Variants in TDRD9 observed in about 807,000 individuals in gnomAD.
TDRD9 encodes the protein ATP-dependent RNA helicase TDRD9.
A neutral mutation model predicts 172.6 loss-of-function variants in TDRD9; 124 were observed. The observed-to-expected ratio is 0.72, with a 90% CI of 0.62 to 0.83. The LOEUF (loss-of-function observed/expected upper bound fraction) is 0.83. TDRD9 is among the 40% of genes least tolerant of loss of function. TDRD9 has a pLI of 0.00. For missense variants in TDRD9, 1,479 were observed against 1,714.1 expected (o/e 0.86, Z 2.42); for synonymous variants, 619 against 617.1 (o/e 1.00, Z -0.05).
chr14:104,023,107 A>C (rs975045954), intron 24 of TDRD9, among the ~76,000 whole-genome samples: 1 of 137,928 alleles, frequency 7.3e-6, no homozygotes, highest in Admixed American at 7.9e-5. Flanking sequence ...AATTAAACCC[A>C]GGAGGCAGAG....
chr14:103,995,706 G>A (rs764753018), intron 11 of TDRD9, 44 bp from the exon 12 acceptor site: 8 of 1,513,762 alleles, frequency 5.3e-6, no homozygotes, highest in African/African-American at 4.2e-5. Flanking sequence ...AATGATGTTC[G>A]GAATATAGTA....
chr14:103,939,743 GTTTTTT>G lies in TDRD9; in HGVS notation c.215+11035_215+11040del, dbSNP rs371934680. 6 of 17,448 alleles carry G rather than the reference GTTTTTT, an allele frequency of 3.4e-4. 1 individual carries two copies. The highest frequency in any genetic ancestry group is 4.7e-4 in the African/African-American group (3 of 6,350). The allele number at this position is 17,448 out of a possible 1,614,324, so 1.1% of individuals were successfully genotyped here. On this transcript the variant is annotated intron_variant, in intron 1 of 35. Coordinates refer to ENST00000409874, the MANE Select transcript of TDRD9 (RefSeq NM_153046.3). Reference sequence around the variant, plus strand: ...AGTTCTAGTCTTTTTGAAAAAAAGTGTTTTTTTTTTTTTTTTTTTTTGAGACAAGGT... The same window carrying G: ...AGTTCTAGTCTTTTTGAAAAAAAGTGTTTTTTTTTTTTTTTGAGACAAGGT...
intron 34 of TDRD9, among the ~76,000 whole-genome samples, chr14:104,047,912 A>G (rs999663735): frequency 3.3e-5 from 5 of 152,212 alleles, no homozygotes; most frequent in African/African-American, 9.6e-5. Context: ...TTGTTATCCT[A>G]TTTTTAAAAA....
At chr14:103,993,224 A>G (rs2033939435) in intron 9 of TDRD9, among the ~76,000 whole-genome samples, 1 of 151,776 alleles carries the variant, frequency 6.6e-6, no homozygotes, top group Non-Finnish European at 1.5e-5. Flanking sequence ...AGTGATCTCC[A>G]TGAAGTGATC....
At chr14:103,953,270 A>T (rs2032036772) in intron 1 of TDRD9, among the ~76,000 whole-genome samples, 1 of 151,838 alleles carries the variant, frequency 6.6e-6, no homozygotes, top group Non-Finnish European at 1.5e-5. Flanking sequence ...ATTTCTCATC[A>T]TCCTCTTCCC....
chr14:103,928,751 C>T lies in TDRD9; in HGVS notation c.215+27C>T. ...TAGGACGCGGGCGGGGCGGAGGCGG[C>T]TGGAGGGCGGCCGGGCGAGGCCTGG... is the stretch of plus-strand genomic sequence containing the variant. On this transcript the variant is annotated intron_variant, in intron 1 of 35. Coordinates refer to ENST00000409874, the MANE Select transcript of TDRD9 (RefSeq NM_153046.3). 3 of 981,526 alleles carry T rather than the reference C, an allele frequency of 3.1e-6. No homozygotes were observed. In the East Asian group the frequency reaches 1.3e-4, roughly 42 times the overall value. 60.8% of individuals were successfully genotyped at this position (981,526 alleles called of 1,614,324 possible).
chr14:103,943,364 A>G (rs1419263171), intron 1 of TDRD9, among the ~76,000 whole-genome samples: 1 of 151,480 alleles, frequency 6.6e-6, no homozygotes, highest in East Asian at 1.9e-4. Context: ...TATATGTTTT[A>G]TATATGTACA....
intron 13 of TDRD9, among the ~76,000 whole-genome samples, chr14:103,999,643 A>ACATTTAATCTTTT (rs1566771643): frequency 3.1e-5 from 4 of 130,568 alleles, no homozygotes; most frequent in South Asian, 2.3e-4. Flanking sequence ...TGTTTTTTAG[A>ACATTTAATCTTTT]AAACCTTTTG....
At chr14:104,031,311 T>C in intron 29 of TDRD9, 48 bp downstream of exon 29, 1 of 1,498,014 alleles carries the variant, frequency 6.7e-7, no homozygotes, top group East Asian at 2.5e-5. Flanking sequence ...AGTATCATTT[T>C]ACATTTATGT....
rs2035405934 is a variant in TDRD9, at chr14:104,034,957, C to T, written c.3620-3C>T. ...CGATGTTGATTTAGCATGACTTGAA[C>T]AGGATCTACGATGCTGCTGAGAGAA... On this transcript the variant is annotated splice_polypyrimidine_tract_variant and splice_region_variant and intron_variant, in intron 31 of 35. Transcript: ENST00000409874. 3 of 1,550,658 alleles carry T rather than the reference C, an allele frequency of 1.9e-6. No homozygotes were observed. The highest frequency in any genetic ancestry group is 2.7e-5 in the African/African-American group (2 of 73,020).
In TDRD9 at chr14:104,007,207, T is replaced by G. The variant is rs2034468929; in HGVS notation, c.2052+3T>G. 1 of 1,613,652 alleles carries G rather than the reference T, an allele frequency of 6.2e-7. No homozygotes were observed. The highest frequency in any genetic ancestry group is 1.3e-5 in the African/African-American group (1 of 74,888). ...CAGGGGAGCTGCGGTACCCGAAGGTTGGTGAGCCCTTTCCTGCTGCTTTCT... is the reference window on the plus strand; with the variant it reads ...CAGGGGAGCTGCGGTACCCGAAGGTGGGTGAGCCCTTTCCTGCTGCTTTCT... On this transcript the variant is annotated splice_donor_region_variant and intron_variant, in intron 19 of 35. Coordinates refer to ENST00000409874, the MANE Select transcript of TDRD9 (RefSeq NM_153046.3).
At position 104,014,765 on chromosome 14, in the gene TDRD9, A is replaced by T. The variant is rs1295247759; in HGVS notation, c.2147A>T (p.Gln716Leu). The change falls in exon 21 of 36, where the codon CAG becomes CTG. Residue 716 changes from glutamine (Q) to leucine (L), a missense_variant. Gln to Leu is a moderately radical substitution (Grantham distance 113). Transcript: ENST00000409874. ...GAAGAATTGAAGACTAGAATCTCACAGTTCAACATGCATGTTGATTCTCGG... is the reference window on the plus strand; with the variant it reads ...GAAGAATTGAAGACTAGAATCTCACTGTTCAACATGCATGTTGATTCTCGG... ...LYEELKTRIS[Q>L]FNMHVDSRRP... The T allele has an allele frequency of 1.9e-6, 3 of 1,611,902 alleles. No individual in the cohort carries two copies. The Admixed American group carries it at 5.0e-5, about 27-fold the overall frequency.
chr14:103,950,136 C>T (rs1197958526), intron 1 of TDRD9, among the ~76,000 whole-genome samples: 1 of 134,964 alleles, frequency 7.4e-6, no homozygotes, highest in African/African-American at 2.8e-5. Flanking sequence ...GTTGCCCAGG[C>T]TGGAGTGCCG....
intron 20 of TDRD9, among the ~76,000 whole-genome samples, chr14:104,012,196 C>T (rs1434502031): frequency 1.3e-5 from 2 of 152,168 alleles, no homozygotes; most frequent in Admixed American, 6.5e-5. Context: ...AAGGCCCCAC[C>T]GTCAATCATA....
rs960121501 is a variant in TDRD9, at chr14:103,987,121, T to TACACAC, written c.1115+802_1115+803insCACACA. The stretch of plus-strand genomic sequence containing the variant: ...GAGCAAGACTCCATCTCAAAAAATA[T>TACACAC]ATACACACACACACACACACACACA... On this transcript the variant is annotated intron_variant, in intron 8 of 35. Coordinates refer to ENST00000409874, the MANE Select transcript of TDRD9 (RefSeq NM_153046.3). Among the ~76,000 whole-genome samples the TACACAC allele has an allele frequency of 8.7e-5, 11 of 126,356 alleles. No individual in the cohort carries two copies. The East Asian group carries it at 1.6e-3, about 19-fold the overall frequency. 82.9% of individuals were successfully genotyped at this position (126,356 alleles called of 152,430 possible). A position where few individuals can be genotyped will look rare whatever the true frequency, so the allele number is the denominator to read the frequency against.
At chr14:103,945,685 G>C (rs1191831812) in intron 1 of TDRD9, among the ~76,000 whole-genome samples, 1 of 152,182 alleles carries the variant, frequency 6.6e-6, no homozygotes, top group African/African-American at 2.4e-5. Flanking sequence ...TAGTTTTCTA[G>C]TTTACACCTT....
chr14:103,931,418 T>A (rs2030382663), intron 1 of TDRD9, among the ~76,000 whole-genome samples: 1 of 152,234 alleles, frequency 6.6e-6, no homozygotes, highest in South Asian at 2.1e-4. Context: ...CTAGTTTTGA[T>A]GAAATTCTTC....
At chr14:104,015,838 G>T (rs1306363467) in intron 21 of TDRD9, 143 bp from the exon 22 acceptor site, 1 of 510,962 alleles carries the variant, frequency 2.0e-6, no homozygotes, top group Non-Finnish European at 3.3e-6. Flanking sequence ...TGCTTGGTTG[G>T]TGAAAGGTCT....
chr14:103,970,397 A>G, intron 5 of TDRD9, 144 bp from the exon 6 acceptor site: 1 of 627,500 alleles, frequency 1.6e-6, no homozygotes, highest in Non-Finnish European at 2.8e-6. Context: ...CCTCTTAACC[A>G]GGAGTGATAC....
Sources: allele counts gnomAD v4.1 joint callset (sites outside exome capture counted in the v4.1 genomes callset), GRCh38; gene constraint gnomAD v4.1.1; transcripts MANE v1.5; gene names NCBI Gene and HGNC (gene_info 2026-07-23, HGNC 2026-07-21).